Variants in AKR1C8 observed in about 807,000 individuals in gnomAD.
AKR1C8 encodes aldo-keto reductase family 1 member C8, also known as aldo-keto reductase family 1 member C-like protein 1.
At chr10:5,117,440 C>T in the AKR1C8 span, among the ~76,000 whole-genome samples, 2 of 152,106 alleles carry the variant, frequency 1.3e-5, no homozygotes, top group Admixed American at 6.6e-5. Context: ...AGGATTGATA[C>T]CCTCCAGATT....
At chr10:5,147,896 C>G in the AKR1C8 span, among the ~76,000 whole-genome samples, 2,296 of 152,314 alleles carry the variant, frequency 0.015, 73 homozygotes, top group African/African-American at 0.053. Context: ...TCTGATCCCA[C>G]ATTTCTGCTT....
the AKR1C8 span, chr10:5,135,202 CCA>C: frequency 4.4e-6 from 1 of 224,742 alleles, no homozygotes; most frequent in Admixed American, 4.2e-5. Flanking sequence ...TCATTTAGCT[CCA>C]CACACTGATA....
At chr10:5,117,599 C>T in the AKR1C8 span, among the ~76,000 whole-genome samples, 1 of 152,004 alleles carries the variant, frequency 6.6e-6, no homozygotes, top group Admixed American at 6.6e-5. Flanking sequence ...ATACCTGAAG[C>T]TGAGAATTTA....
chr10:5,184,293 A>G, the AKR1C8 span, among the ~76,000 whole-genome samples: 1 of 152,200 alleles, frequency 6.6e-6, no homozygotes, highest in Non-Finnish European at 1.5e-5. Context: ...TTCACTTATT[A>G]AACTTTCACT....
chr10:5,172,296 A>G, the AKR1C8 span, among the ~76,000 whole-genome samples: 1 of 152,128 alleles, frequency 6.6e-6, no homozygotes, highest in African/African-American at 2.4e-5. Context: ...TTTGACTTGT[A>G]AACATTCCTT....
the AKR1C8 span, chr10:5,158,799 T>G: frequency 2.2e-6 from 1 of 455,054 alleles, no homozygotes; most frequent in Non-Finnish European, 4.5e-6. Context: ...TGTGTAATAC[T>G]ACATTAATAG....
the AKR1C8 span, among the ~76,000 whole-genome samples, chr10:5,166,757 G>A: frequency 6.6e-6 from 1 of 152,036 alleles, no homozygotes; most frequent in Non-Finnish European, 1.5e-5. Flanking sequence ...AACACCAAAA[G>A]CAATGGCAAC....
At chr10:5,134,227 T>C in the AKR1C8 span, among the ~76,000 whole-genome samples, 1 of 152,180 alleles carries the variant, frequency 6.6e-6, no homozygotes, top group Non-Finnish European at 1.5e-5. Context: ...GGCTAAAGCT[T>C]CCATGTTGTG....
chr10:5,138,130 G>A, the AKR1C8 span, among the ~76,000 whole-genome samples: 1 of 151,916 alleles, frequency 6.6e-6, no homozygotes, highest in African/African-American at 2.4e-5. Context: ...GGGTTCGAAA[G>A]CAGAGAACTG....
the AKR1C8 span, chr10:5,159,750 T>G: frequency 2.2e-6 from 1 of 463,554 alleles, no homozygotes; most frequent in Non-Finnish European, 4.4e-6. Context: ...CTTTCTCTGG[T>G]ATCTCCTATT....
At chr10:5,176,372 T>G in the AKR1C8 span, among the ~76,000 whole-genome samples, 13 of 143,986 alleles carry the variant, frequency 9.0e-5, no homozygotes, top group East Asian at 2.3e-3. Context: ...GCTGTTTTGG[T>G]TACTGTAGCC....
At chr10:5,164,516 G>A in the AKR1C8 span, among the ~76,000 whole-genome samples, 1 of 151,942 alleles carries the variant, frequency 6.6e-6, no homozygotes, top group African/African-American at 2.4e-5. Context: ...TTATGGGAAG[G>A]GTTAGCAGGA....
At chr10:5,167,339 G>A in the AKR1C8 span, among the ~76,000 whole-genome samples, 1 of 152,164 alleles carries the variant, frequency 6.6e-6, no homozygotes, top group Non-Finnish European at 1.5e-5. Context: ...GCACACATAT[G>A]TTTATTGCGG....
At chr10:5,176,903 A>G in the AKR1C8 span, among the ~76,000 whole-genome samples, 1 of 152,202 alleles carries the variant, frequency 6.6e-6, no homozygotes, top group Non-Finnish European at 1.5e-5. Context: ...TTTTCTAGAT[A>G]TAGAATCATG....
chr10:5,132,795 T>A, the AKR1C8 span: 1 of 1,071,210 alleles, frequency 9.3e-7, no homozygotes, highest in Non-Finnish European at 1.3e-6. Flanking sequence ...AAAGTAGTAT[T>A]TGGTGATCAA....
At chr10:5,170,662 T>A in the AKR1C8 span, among the ~76,000 whole-genome samples, 4 of 152,268 alleles carry the variant, frequency 2.6e-5, no homozygotes, top group East Asian at 3.9e-4. Context: ...AGAAACCCTG[T>A]ACAGGGACTC....
the AKR1C8 span, chr10:5,162,878 C>G: frequency 1.9e-6 from 1 of 534,588 alleles, no homozygotes; most frequent in Non-Finnish European, 3.8e-6. Context: ...TATTTCCTCT[C>G]TCTTGACGGT....
chr10:5,171,727 A>G, the AKR1C8 span, among the ~76,000 whole-genome samples: 4 of 152,038 alleles, frequency 2.6e-5, no homozygotes, highest in Non-Finnish European at 4.4e-5. Context: ...TTAATGCTCA[A>G]TTTACAGAAA....
At chr10:5,148,173 A>T in the AKR1C8 span, among the ~76,000 whole-genome samples, 1 of 152,088 alleles carries the variant, frequency 6.6e-6, no homozygotes, top group East Asian at 1.9e-4. Flanking sequence ...TGAATGAGAA[A>T]CTGATCTCAG....
Sources: gnomAD v4.1 joint callset for allele counts (sites outside exome capture counted in the v4.1 genomes callset) on GRCh38, gnomAD v4.1.1 for gene constraint, MANE v1.5 for transcripts, NCBI Gene and HGNC (gene_info 2026-07-23, HGNC 2026-07-21) for gene names.